Variants in TBPL2 observed in about 807,000 individuals in gnomAD.
TBPL2 encodes TATA-box binding protein like 2.
TBPL2 carries 40 observed loss-of-function variants against 38.2 expected under a neutral mutation model. That is an observed-to-expected ratio of 1.05 (90% confidence interval 0.81 to 1.36). The LOEUF (loss-of-function observed/expected upper bound fraction) is 1.36, where lower values mean the gene tolerates loss of function less well. Ranked by LOEUF, TBPL2 falls within the 40% of genes most tolerant of loss-of-function variation. The pLI is 0.00. For missense variants in TBPL2, 461 were observed against 456.7 expected (o/e 1.01, Z -0.09); for synonymous variants, 169 against 171.7 (o/e 0.98, Z 0.12).
intron 5 of TBPL2, among the ~76,000 whole-genome samples, chr14:55,426,451 C>T (rs948268099): frequency 6.6e-6 from 1 of 152,034 alleles, no homozygotes; most frequent in African/African-American, 2.4e-5. Flanking sequence ...AGGGGTTTAA[C>T]ACAAGGCAAA....
At position 55,435,054 on chromosome 14, in the gene TBPL2, G is replaced by A. The variant is rs367961100; in HGVS notation, c.696+793C>T. ...CCTTGGCAGGATACAAGAAAGAATA[G>A]ATTTTATTAAACTTTGAGGAGGACG... On this transcript the variant is annotated intron_variant, in intron 3 of 6. Coordinates refer to ENST00000247219, the Ensembl canonical transcript of TBPL2. 1.7e-4 allele frequency among the ~76,000 whole-genome samples: 26 copies of A among 152,096 alleles called. 1 individual carries two copies. Among genetic ancestry groups the A allele is most frequent in the African/African-American group, 6.0e-4 (25 of 41,494 alleles).
intron 1 of TBPL2, among the ~76,000 whole-genome samples, chr14:55,437,706 A>C (rs1365118395): frequency 6.6e-6 from 1 of 152,234 alleles, no homozygotes; most frequent in Non-Finnish European, 1.5e-5. Context: ...GTTAATTATA[A>C]ACTTTAGTTG....
chr14:55,426,399 T>C (rs935116459), intron 5 of TBPL2, among the ~76,000 whole-genome samples: 3 of 152,166 alleles, frequency 2.0e-5, no homozygotes, highest in African/African-American at 7.2e-5. Flanking sequence ...TTATTAAATG[T>C]TGACATACAA....
At chr14:55,438,599 A>G (rs1453746504) in intron 1 of TBPL2, among the ~76,000 whole-genome samples, 1 of 152,156 alleles carries the variant, frequency 6.6e-6, no homozygotes, top group Non-Finnish European at 1.5e-5. Context: ...TTATCAGGGA[A>G]CAAAGCTACA....
intron 3 of TBPL2, among the ~76,000 whole-genome samples, chr14:55,435,013 A>T (rs959185924): frequency 6.6e-6 from 1 of 152,218 alleles, no homozygotes; most frequent in Non-Finnish European, 1.5e-5. Context: ...CAAGCCATTG[A>T]AAACAGGATG....
intron 6 of TBPL2, among the ~76,000 whole-genome samples, chr14:55,416,001 A>T (rs913394584): frequency 6.6e-6 from 1 of 152,252 alleles, no homozygotes. Context: ...GTCACATGTT[A>T]TAAGATTCTA....
chr14:55,418,414 C>T (rs754809519), intron 6 of TBPL2, among the ~76,000 whole-genome samples: 8 of 152,226 alleles, frequency 5.3e-5, no homozygotes, highest in Non-Finnish European at 1.0e-4. Context: ...CATAACTGCA[C>T]ATATTTTCCC....
chr14:55,432,754 G>C (rs1475087788), intron 4 of TBPL2, among the ~76,000 whole-genome samples: 1 of 152,188 alleles, frequency 6.6e-6, no homozygotes. Context: ...CAACTTTTCA[G>C]GAGGAGAATT....
At chr14:55,424,583 A>G (rs912685972) in intron 5 of TBPL2, among the ~76,000 whole-genome samples, 2 of 152,236 alleles carry the variant, frequency 1.3e-5, no homozygotes, top group African/African-American at 4.8e-5. Flanking sequence ...AAGTCTGTTA[A>G]TAAGAATACA....
At chr14:55,438,412 C>G (rs1341528589) in intron 1 of TBPL2, among the ~76,000 whole-genome samples, 2 of 152,226 alleles carry the variant, frequency 1.3e-5, no homozygotes, top group Non-Finnish European at 2.9e-5. Context: ...CCACCCTCAA[C>G]CCACAGAGTG....
exon 1 of TBPL2, chr14:55,440,469 G>A: frequency 6.2e-7 from 1 of 1,611,620 alleles, no homozygotes; most frequent in African/African-American, 1.3e-5. Context: ...TCCCACTGTT[G>A]GGGGTGGGGG....
At position 55,428,892 on chromosome 14, in the gene TBPL2, TA is replaced by T; in HGVS notation, c.870del (p.Phe290LeufsTer12). ...CAGCTTCCAACCATGTTCTGAATTT[TA>T]AAATCGAGGAATCTGGCAGGGAACC... On this transcript the variant is annotated frameshift_variant, in exon 5 of 7. Coordinates refer to ENST00000247219, the Ensembl canonical transcript of TBPL2. LOFTEE classifies it high-confidence loss of function. The T allele has an allele frequency of 2.5e-6, 4 of 1,614,194 alleles. No homozygotes were observed. The highest frequency in any genetic ancestry group is 2.5e-6 in the Non-Finnish European group (3 of 1,180,026).
intron 1 of TBPL2, among the ~76,000 whole-genome samples, chr14:55,439,498 C>G (rs1399056242): frequency 9.2e-6 from 1 of 108,734 alleles, no homozygotes; most frequent in African/African-American, 3.5e-5. Context: ...TCCTTTAGAA[C>G]CAGGCGGGGG....
At chr14:55,433,027 C>A (rs1175388226) in intron 4 of TBPL2, among the ~76,000 whole-genome samples, 1 of 152,198 alleles carries the variant, frequency 6.6e-6, no homozygotes, top group African/African-American at 2.4e-5. Context: ...TTCATCATTA[C>A]TGTAACTTAA....
At chr14:55,436,471 CTACT>C (rs1267201177) in intron 2 of TBPL2, 86 bp downstream of exon 2, 2 of 1,120,816 alleles carry the variant, frequency 1.8e-6, no homozygotes, top group East Asian at 2.4e-5. Context: ...ATTCTCTTCC[CTACT>C]ATTATCCTGA....
At chr14:55,439,930 C>CAAAAAA (rs71131272) in intron 1 of TBPL2, among the ~76,000 whole-genome samples, 4 of 39,180 alleles carry the variant, frequency 1.0e-4, no homozygotes, top group Non-Finnish European at 1.8e-4. Flanking sequence ...GACTCTGTCT[C>CAAAAAA]AAAAAAAAAA....
In TBPL2 at chr14:55,440,395, C is replaced by G; in HGVS notation, c.150+1G>C. ...CTCTGGGACAGTGGCGGCAGCCTCACCTGAGCGGCGCACTGGTCCAGGTAG... is the reference window on the plus strand; with the variant it reads ...CTCTGGGACAGTGGCGGCAGCCTCAGCTGAGCGGCGCACTGGTCCAGGTAG... On this transcript the variant is annotated splice_donor_variant, in intron 1 of 6. Coordinates refer to ENST00000247219, the Ensembl canonical transcript of TBPL2. LOFTEE classifies it high-confidence loss of function. 1 of 1,613,058 alleles carries G rather than the reference C, an allele frequency of 6.2e-7. No homozygotes were observed. Among genetic ancestry groups the G allele is most frequent in the Non-Finnish European group, 8.5e-7 (1 of 1,180,006 alleles).
chr14:55,423,332 A>C (rs1885773883), intron 6 of TBPL2, among the ~76,000 whole-genome samples: 1 of 152,246 alleles, frequency 6.6e-6, no homozygotes, highest in Non-Finnish European at 1.5e-5. Flanking sequence ...TATCCCTTTA[A>C]AACAATTGGG....
chr14:55,427,278 A>G (rs1885840813), intron 5 of TBPL2, among the ~76,000 whole-genome samples: 1 of 152,202 alleles, frequency 6.6e-6, no homozygotes, highest in African/African-American at 2.4e-5. Context: ...ATTCAATAGC[A>G]TACAGTGAAA....
Sources: gnomAD v4.1 joint callset for allele counts (sites outside exome capture counted in the v4.1 genomes callset) on GRCh38, gnomAD v4.1.1 for gene constraint, MANE v1.5 for transcripts, NCBI Gene and HGNC (gene_info 2026-07-23, HGNC 2026-07-21) for gene names.